The following GLP1R variants were observed in gnomAD, a reference collection of about 807,000 sequenced individuals.
GLP1R encodes the protein glucagon like peptide 1 receptor.
In GLP1R, 32 loss-of-function variants were observed where a neutral mutation model predicts 68.4. The ratio of observed to expected loss-of-function variants is 0.47; its 90% CI spans 0.35 to 0.63. The LOEUF is 0.63. GLP1R is among the 20% of genes least tolerant of loss of function. GLP1R has a pLI of 0.00. For synonymous variants in GLP1R, 263 were observed against 244.4 expected (o/e 1.08, Z -0.71); for missense variants, 502 against 594.9 (o/e 0.84, Z 1.62).
At chr6:39,055,923 T>C (rs903043578) in intron 1 of GLP1R, among the ~76,000 whole-genome samples, 1 of 152,186 alleles carries the variant, frequency 6.6e-6, no homozygotes, top group Non-Finnish European at 1.5e-5. Context: ...GGGGGGGCTG[T>C]GCACCCTTGA....
rs928945372 is a variant in GLP1R, at chr6:39,088,606, C to T, written c.*2533C>T. ...ACTTCAGCACTCTGGCCAGCTTCCT[C>T]AAACTTGTTAGTGGCTTGCATTTTG... On this transcript the variant is annotated 3_prime_UTR_variant, in exon 13 of 13. Coordinates refer to ENST00000373256, the MANE Select transcript of GLP1R (RefSeq NM_002062.5). 3.3e-5 allele frequency among the ~76,000 whole-genome samples: 5 copies of T among 152,230 alleles called. No homozygotes were observed. Among genetic ancestry groups the T allele is most frequent in the Non-Finnish European group, 7.3e-5 (5 of 68,044 alleles).
At chr6:39,070,593 T>C (rs1170604645) in intron 5 of GLP1R, among the ~76,000 whole-genome samples, 1 of 152,224 alleles carries the variant, frequency 6.6e-6, no homozygotes, top group Non-Finnish European at 1.5e-5. Context: ...AGAGCTTCCT[T>C]TGTCTAGCCT....
chr6:39,056,332 G>C (rs200116156), intron 1 of GLP1R, 65 bp from the exon 2 acceptor site: 113 of 810,162 alleles, frequency 1.4e-4, no homozygotes, highest in South Asian at 1.3e-3. Flanking sequence ...AGTGTGTTAG[G>C]GGGTGAGGGG....
chr6:39,061,311 C>G (rs187393721), intron 3 of GLP1R, among the ~76,000 whole-genome samples: 1 of 152,142 alleles, frequency 6.6e-6, no homozygotes, highest in Admixed American at 6.5e-5. Flanking sequence ...GTTGGCCGCC[C>G]GAGGGCCCTT....
chr6:39,066,834 G>T (rs1345228521), intron 5 of GLP1R, among the ~76,000 whole-genome samples: 1 of 152,082 alleles, frequency 6.6e-6, no homozygotes, highest in South Asian at 2.1e-4. Flanking sequence ...GGGGGCCAGG[G>T]GGACTGGGTT....
chr6:39,086,016 TG>T lies in GLP1R; in HGVS notation c.1337del (p.Gly446GlufsTer76), dbSNP rs781486734. On this transcript the variant is annotated frameshift_variant, in exon 13 of 13. Coordinates refer to ENST00000373256, the MANE Select transcript of GLP1R (RefSeq NM_002062.5). LOFTEE classifies it high-confidence loss of function. This position sits in a 1 kb window ranked among gnomAD's most constrained non-coding sequence, Gnocchi z 4.5. Reference protein sequence around the residue: ...LKCPTSSLSSGATAGSSMYTA... With the variant: ...LKCPTSSLSSXATAGSSMYTA... The stretch of plus-strand genomic sequence containing the variant: ...AGTGTCCCACCAGCAGCCTGAGCAG[TG>T]GAGCCACGGCGGGCAGCAGCATGTA... The T allele has an allele frequency of 7.4e-6, 12 of 1,613,892 alleles. No individual in the cohort carries two copies. The highest frequency in any genetic ancestry group is 1.6e-4 in the Middle Eastern group (1 of 6,080).
intron 3 of GLP1R, among the ~76,000 whole-genome samples, chr6:39,060,350 T>C (rs747145550): frequency 6.6e-6 from 1 of 152,094 alleles, no homozygotes; most frequent in Non-Finnish European, 1.5e-5. Context: ...ACATGCTCAG[T>C]TGGCAATTTG....
chr6:39,059,692 C>T (rs1768310274), intron 3 of GLP1R, among the ~76,000 whole-genome samples: 1 of 152,120 alleles, frequency 6.6e-6, no homozygotes, highest in Non-Finnish European at 1.5e-5. Context: ...TACATACCTC[C>T]CTGACTTCCT....
intron 3 of GLP1R, among the ~76,000 whole-genome samples, chr6:39,060,491 C>T (rs1471829138): frequency 1.3e-5 from 2 of 152,168 alleles, no homozygotes; most frequent in Admixed American, 6.5e-5. Context: ...AAGGAAGGGA[C>T]AAGAATGGGG....
intron 12 of GLP1R, among the ~76,000 whole-genome samples, chr6:39,085,050 G>A (rs1769109746): frequency 6.6e-6 from 1 of 152,114 alleles, no homozygotes; most frequent in Non-Finnish European, 1.5e-5. Flanking sequence ...GACCCCCCAG[G>A]ACTAGCTTGG....
intron 1 of GLP1R, among the ~76,000 whole-genome samples, chr6:39,053,024 C>T (rs1768121827): frequency 1.3e-5 from 2 of 152,138 alleles, no homozygotes; most frequent in Admixed American, 6.6e-5. Flanking sequence ...ACCTCCAACC[C>T]AGGTGTCGTC....
chr6:39,064,919 G>A (rs563207924), intron 3 of GLP1R, among the ~76,000 whole-genome samples: 55 of 152,326 alleles, frequency 3.6e-4, no homozygotes, highest in Non-Finnish European at 7.1e-4. Flanking sequence ...GGAGCTCCCT[G>A]AGGACGGGGG....
rs1048182006 is a variant in GLP1R at position 39,084,982 on chromosome 6, A to ACTT, written c.1225-922_1225-920dup. On this transcript the variant is annotated intron_variant, in intron 12 of 12. Transcript: ENST00000373256. ...ACACTCTGGTGTGGGAAGGGTGGGGACTTCAAAGAAGCTCTGGAAAGCAAA... is the reference window on the plus strand; with the variant it reads ...ACACTCTGGTGTGGGAAGGGTGGGGACTTCTTCAAAGAAGCTCTGGAAAGCAAA... Among the ~76,000 whole-genome samples the ACTT allele has an allele frequency of 5.8e-4, 88 of 152,030 alleles. 1 individual carries two copies. The highest frequency in any genetic ancestry group is 1.0e-4 in the Non-Finnish European group (7 of 67,992).
intron 6 of GLP1R, 123 bp downstream of exon 6, chr6:39,073,138 G>A: frequency 2.3e-6 from 2 of 882,544 alleles, no homozygotes; most frequent in Non-Finnish European, 3.4e-6. Flanking sequence ...CCCTTCGGGA[G>A]CCCCCAGTCT....
rs1405006578 is a variant in GLP1R, at chr6:39,049,200, G to T, written c.78+282G>T. Among the ~76,000 whole-genome samples, 4 of 152,114 alleles carry T rather than the reference G, an allele frequency of 2.6e-5. No individual in the cohort carries two copies. Among genetic ancestry groups the T allele is most frequent in the African/African-American group, 7.2e-5 (3 of 41,434 alleles). ...CCCGGGCACCCGCTGCCCCGCGGCC[G>T]CCCTGCGCTGACTTCTGCTCCGCTT... On this transcript the variant is annotated intron_variant, in intron 1 of 12. Coordinates refer to ENST00000373256, the MANE Select transcript of GLP1R (RefSeq NM_002062.5). The surrounding 1 kb of genome is among the most constrained non-coding windows in gnomAD (Gnocchi z 4.5).
chr6:39,051,631 A>C (rs912636290), intron 1 of GLP1R, among the ~76,000 whole-genome samples: 2 of 152,056 alleles, frequency 1.3e-5, no homozygotes, highest in East Asian at 3.9e-4. Context: ...GAAAATTCCT[A>C]TGTGTGTGTG....
intron 5 of GLP1R, among the ~76,000 whole-genome samples, chr6:39,071,518 A>AT (rs375966680): frequency 1.2e-3 from 186 of 150,246 alleles, no homozygotes; most frequent in East Asian, 3.5e-3. Context: ...AAAGGATTTC[A>AT]TTTTTTTTTC....
At chr6:39,085,495 G>A (rs1483074667) in intron 12 of GLP1R, among the ~76,000 whole-genome samples, 2 of 152,174 alleles carry the variant, frequency 1.3e-5, no homozygotes, top group East Asian at 1.9e-4. Context: ...GGGGGTTGCC[G>A]TCCCCCTTCT....
Position 39,089,564 on chromosome 6 carries a change from C to G in GLP1R, c.*3491C>G, listed in dbSNP as rs115464273. Reference sequence around the variant, plus strand: ...GCTCACAGTCAGGAGACCTCCCCTCCTCAGTCCCTCCCATTTCTTTCTTCC... The same window carrying G: ...GCTCACAGTCAGGAGACCTCCCCTCGTCAGTCCCTCCCATTTCTTTCTTCC... On this transcript the variant is annotated 3_prime_UTR_variant, in exon 13 of 13. Transcript: ENST00000373256. This position sits in a 1 kb window ranked among gnomAD's most constrained non-coding sequence, Gnocchi z 4.1. 9.3e-3 allele frequency among the ~76,000 whole-genome samples: 1,424 copies of G among 152,322 alleles called. 33 individuals are homozygous for G. Among genetic ancestry groups the G allele is most frequent in the African/African-American group, 0.033 (1,353 of 41,568 alleles).
Sources: allele counts gnomAD v4.1 joint callset (sites outside exome capture counted in the v4.1 genomes callset), GRCh38; gene constraint gnomAD v4.1.1; non-coding constraint Gnocchi (gnomAD v3.1); transcripts MANE v1.5; gene names NCBI Gene and HGNC (gene_info 2026-07-23, HGNC 2026-07-21).